SCNN1B: variants seen among roughly 807,000 people sequenced by gnomAD.
SCNN1B encodes epithelial sodium channel subunit beta.
In SCNN1B, 46 loss-of-function variants were observed where a neutral mutation model predicts 65.3. The ratio of observed to expected loss-of-function variants is 0.70; its 90% CI spans 0.56 to 0.90. The LOEUF is 0.90. Among genes scored for constraint, SCNN1B ranks in the 40% least tolerant of loss-of-function variants. The probability of loss-of-function intolerance (pLI) is 0.00; values close to 1 mark genes in which losing one functional copy is unlikely to be tolerated. For synonymous variants in SCNN1B, 349 were observed against 330.6 expected (o/e 1.06, Z -0.60); for missense variants, 751 against 830.5 (o/e 0.90, Z 1.18).
At chr16:23,372,018 C>A in intron 7 of SCNN1B, 135 bp downstream of exon 7, 1 of 729,186 alleles carries the variant, frequency 1.4e-6, no homozygotes. Flanking sequence ...CGGGGCACCC[C>A]GGGCCTGTGG....
chr16:23,362,709 C>T (rs67330506), intron 4 of SCNN1B, among the ~76,000 whole-genome samples: 5,315 of 152,312 alleles, frequency 0.035, 320 homozygotes, highest in African/African-American at 0.12. Context: ...GAGCATGGCG[C>T]GGGCAGGAGG....
chr16:23,371,287 C>T lies in SCNN1B; in HGVS notation c.881-12C>T. 1 of 1,613,802 alleles carries T rather than the reference C, an allele frequency of 6.2e-7. No homozygotes were observed. Among genetic ancestry groups the T allele is most frequent in the Admixed American group, 1.7e-5 (1 of 59,988 alleles). ...GAAAGTTCAGGCAGCCCTCACCCCA[C>T]CCTCCCCACAGGCCTGAAGTTGATC... is the stretch of plus-strand genomic sequence containing the variant. On this transcript the variant is annotated splice_polypyrimidine_tract_variant and intron_variant, in intron 5 of 12. Coordinates refer to ENST00000343070, the MANE Select transcript of SCNN1B (RefSeq NM_000336.3).
chr16:23,376,100 G>A (rs188692121), intron 8 of SCNN1B, among the ~76,000 whole-genome samples: 32 of 152,366 alleles, frequency 2.1e-4, no homozygotes, highest in Admixed American at 1.9e-3. Context: ...TAGAATGCAC[G>A]TGTCCTTGTG....
intron 2 of SCNN1B, among the ~76,000 whole-genome samples, chr16:23,294,432 G>A (rs1960967186): frequency 1.3e-5 from 2 of 151,684 alleles, no homozygotes; most frequent in Non-Finnish European, 2.9e-5. Flanking sequence ...CCCTACACTG[G>A]CCTATAAGAC....
intron 7 of SCNN1B, among the ~76,000 whole-genome samples, chr16:23,374,742 G>A (rs909288328): frequency 5.3e-5 from 8 of 151,956 alleles, no homozygotes; most frequent in African/African-American, 1.2e-4. Flanking sequence ...GACCTGAGAC[G>A]GAGCCCGGGC....
chr16:23,375,985 T>C (rs1186510793), intron 8 of SCNN1B, 130 bp downstream of exon 8: 6 of 675,646 alleles, frequency 8.9e-6, no homozygotes, highest in Non-Finnish European at 1.3e-5. Context: ...TCCTCCACAG[T>C]CTGAGGTCCC....
intron 2 of SCNN1B, among the ~76,000 whole-genome samples, chr16:23,291,856 C>T (rs1307540666): frequency 1.3e-5 from 2 of 151,874 alleles, no homozygotes; most frequent in African/African-American, 2.4e-5. Context: ...GCTGGGTTTA[C>T]AGGCGTGAGC....
chr16:23,308,347 A>T (rs1017022948), intron 1 of SCNN1B, among the ~76,000 whole-genome samples: 1 of 152,000 alleles, frequency 6.6e-6, no homozygotes, highest in Non-Finnish European at 1.5e-5. Flanking sequence ...ACATAGCAAG[A>T]CTCCATCTCT....
At chr16:23,295,638 C>T (rs570935964) in intron 2 of SCNN1B, among the ~76,000 whole-genome samples, 4 of 152,288 alleles carry the variant, frequency 2.6e-5, no homozygotes, top group South Asian at 4.1e-4. Context: ...AGGCATAAGC[C>T]ACTGCACCCA....
Position 23,380,566 on chromosome 16 carries a change from G to C in SCNN1B, c.1688G>C (p.Arg563Pro). The C allele has an allele frequency of 6.2e-7, 1 of 1,614,208 alleles. No homozygotes were observed. The highest frequency in any genetic ancestry group is 8.5e-7 in the Non-Finnish European group (1 of 1,180,034). ...CTGGTGGCCTTGGCCAAGAGCCTAC[G>C]GCAGCGGCGAGCCCAAGCCAGCTAC... Reference protein sequence around the residue: ...IKLVALAKSLRQRRAQASYAG... With the variant: ...IKLVALAKSLPQRRAQASYAG... Residue 563 changes from arginine to proline, a missense_variant, in exon 13 of 13, where the codon CGG becomes CCG. Arg to Pro is a moderately radical substitution (Grantham distance 103). Coordinates refer to ENST00000343070, the MANE Select transcript of SCNN1B (RefSeq NM_000336.3). The surrounding 1 kb of genome is among the most constrained non-coding windows in gnomAD (Gnocchi z 5.4).
chr16:23,334,751 G>A (rs919096414), intron 1 of SCNN1B, among the ~76,000 whole-genome samples: 1 of 152,200 alleles, frequency 6.6e-6, no homozygotes, highest in African/African-American at 2.4e-5. Flanking sequence ...ACACGTGTGT[G>A]CATGCACCAA....
intron 1 of SCNN1B, among the ~76,000 whole-genome samples, chr16:23,321,775 C>T (rs990247914): frequency 1.3e-5 from 2 of 152,214 alleles, no homozygotes; most frequent in Middle Eastern, 6.8e-3. Context: ...GTAATCCCAG[C>T]GCTTTGGGAG....
rs544660205 is a variant in SCNN1B at position 23,312,484 on chromosome 16, A to T, written c.-9+10047A>T. Among the ~76,000 whole-genome samples, 7 of 152,192 alleles carry T rather than the reference A, an allele frequency of 4.6e-5. 1 individual carries two copies. The South Asian group carries it at 1.2e-3, about 27-fold the overall frequency. On this transcript the variant is annotated intron_variant, in intron 1 of 12. Transcript: ENST00000343070. The stretch of plus-strand genomic sequence containing the variant: ...TGAGGCATTAGCAAGCCAAGTGCAC[A>T]GCATGCTGACCCCCAGGCACTGGAC...
chr16:23,321,205 C>T (rs1162685482), intron 1 of SCNN1B, among the ~76,000 whole-genome samples: 1 of 152,128 alleles, frequency 6.6e-6, no homozygotes, highest in Non-Finnish European at 1.5e-5. Context: ...CCATGGCCAG[C>T]TAATTTTTGA....
chr16:23,309,459 G>A (rs3785368), intron 1 of SCNN1B, among the ~76,000 whole-genome samples: 27,128 of 152,022 alleles, frequency 0.18, 2,580 homozygotes, highest in Middle Eastern at 0.28. Context: ...TAGCTAAAGA[G>A]GAGTTTATTA....
intron 1 of SCNN1B, among the ~76,000 whole-genome samples, chr16:23,327,251 G>T (rs990055567): frequency 6.6e-6 from 1 of 152,014 alleles, no homozygotes; most frequent in Non-Finnish European, 1.5e-5. Context: ...AAAATAATTG[G>T]CTGGGAATGG....
At chr16:23,333,914 C>T (rs1460497220) in intron 1 of SCNN1B, among the ~76,000 whole-genome samples, 1 of 152,114 alleles carries the variant, frequency 6.6e-6, no homozygotes, top group Admixed American at 6.5e-5. Context: ...AGAACCAGAC[C>T]CTAACTGGGG....
chr16:23,356,621 C>A (rs1218999540), intron 4 of SCNN1B, among the ~76,000 whole-genome samples: 5 of 99,308 alleles, frequency 5.0e-5, no homozygotes, highest in African/African-American at 1.9e-4. Context: ...GAGACCCTGT[C>A]TCTTAAAAAA....
intron 1 of SCNN1B, among the ~76,000 whole-genome samples, chr16:23,324,712 G>A (rs1336800258): frequency 2.6e-5 from 4 of 151,632 alleles, no homozygotes; most frequent in Admixed American, 6.6e-5. Context: ...ACACACACAC[G>A]CCCCTGGCAT....
Sources: allele counts gnomAD v4.1 joint callset (sites outside exome capture counted in the v4.1 genomes callset), GRCh38; gene constraint gnomAD v4.1.1; non-coding constraint Gnocchi (gnomAD v3.1); transcripts MANE v1.5; gene names NCBI Gene and HGNC (gene_info 2026-07-23, HGNC 2026-07-21).